Variants in MRPS25 observed in about 807,000 individuals in gnomAD.
The protein encoded by MRPS25 is mitochondrial ribosomal protein S25, also known as small ribosomal subunit protein mS25.
Under a neutral mutation model 17.3 loss-of-function variants are expected in MRPS25, and 15 were observed. The ratio of observed to expected loss-of-function variants is 0.87; its 90% CI spans 0.58 to 1.34. The LOEUF is 1.34. Ranked by LOEUF, MRPS25 falls within the 40% of genes most tolerant of loss-of-function variation. The pLI is 0.00. For synonymous variants in MRPS25, 94 were observed against 83.3 expected (o/e 1.13, Z -0.70); for missense variants, 225 against 218.6 (o/e 1.03, Z -0.19).
At chr3:15,056,087 T>C (rs111588570) in intron 2 of MRPS25, among the ~76,000 whole-genome samples, 50 of 148,392 alleles carry the variant, frequency 3.4e-4, no homozygotes, top group Admixed American at 2.7e-4. Flanking sequence ...GTGTGGCGGG[T>C]GCCTGTAGTC....
Position 15,049,331 on chromosome 3 carries a change from A to G in MRPS25, c.*3110T>C. On this transcript the variant is annotated 3_prime_UTR_variant, in exon 4 of 4. Coordinates refer to ENST00000253686, the MANE Select transcript of MRPS25 (RefSeq NM_022497.5). ...AGTAGTAATGCCTGGCCCCCAAACA[A>G]TGCAGCGCTCTCTTGTGTTATGGAC... 1 of 153,048 alleles carries G rather than the reference A, an allele frequency of 6.5e-6. No individual in the cohort carries two copies. Among genetic ancestry groups the G allele is most frequent in the Non-Finnish European group, 1.5e-5 (1 of 68,458 alleles). 9.5% of individuals were successfully genotyped at this position (153,048 alleles called of 1,614,324 possible).
At chr3:15,055,099 G>A (rs1397017974) in intron 2 of MRPS25, among the ~76,000 whole-genome samples, 1 of 152,130 alleles carries the variant, frequency 6.6e-6, no homozygotes, top group East Asian at 1.9e-4. Flanking sequence ...AAGAGAAGGG[G>A]GAGGTGCCAC....
chr3:15,053,148 G>C, intron 3 of MRPS25: 1 of 932,144 alleles, frequency 1.1e-6, no homozygotes, highest in Admixed American at 3.0e-5. Flanking sequence ...GCAAGAGGGA[G>C]AGAGGTACTT....
chr3:15,052,526 T>TGCC lies in MRPS25; in HGVS notation c.434_436dup (p.Gly145_Gln146insArg). Reference sequence around the variant, plus strand: ...TGGCACCAGGCTGGGGCAGGGCACCTGCCCTTCCACTTCACAGATGCACTC... The same window carrying TGCC: ...TGGCACCAGGCTGGGGCAGGGCACCTGCCGCCCTTCCACTTCACAGATGCACTC... On this transcript the variant is annotated inframe_insertion, in exon 4 of 4. Transcript: ENST00000253686. The TGCC allele has an allele frequency of 6.2e-7, 1 of 1,614,176 alleles. No homozygotes were observed. The highest frequency in any genetic ancestry group is 8.5e-7 in the Non-Finnish European group (1 of 1,180,030).
At chr3:15,059,969 G>GA (rs1266398356) in intron 1 of MRPS25, among the ~76,000 whole-genome samples, 23 of 123,666 alleles carry the variant, frequency 1.9e-4, no homozygotes, top group East Asian at 1.4e-3. Context: ...TACTCCAGAG[G>GA]AAAAAAAAAG....
Position 15,052,172 on chromosome 3 carries a change from G to A in MRPS25, c.*269C>T. 2 of 1,180,330 alleles carry A rather than the reference G, an allele frequency of 1.7e-6. No homozygotes were observed. The highest frequency in any genetic ancestry group is 1.6e-5 in the African/African-American group (1 of 64,104). The allele number at this position is 1,180,330 out of a possible 1,614,324, so 73.1% of individuals were successfully genotyped here. A position where few individuals can be genotyped will look rare whatever the true frequency, so the allele number is the denominator to read the frequency against. ...GGCCCAAAGCCTTTCTGCTACACAG[G>A]CCTTCCTCTTCACTAGGACCAGATA... On this transcript the variant is annotated 3_prime_UTR_variant, in exon 4 of 4. Coordinates refer to ENST00000253686, the MANE Select transcript of MRPS25 (RefSeq NM_022497.5).
chr3:15,064,651 C>T (rs368280049), intron 1 of MRPS25, among the ~76,000 whole-genome samples: 352 of 152,324 alleles, frequency 2.3e-3, no homozygotes, highest in African/African-American at 8.0e-3. Flanking sequence ...CAGTGTTCGC[C>T]GCTGTTATTT....
downstream of MRPS25, chr3:15,046,699 CTT>C (rs2042464655): frequency 2.0e-5 from 3 of 152,504 alleles, no homozygotes; most frequent in East Asian, 5.8e-4. Context: ...CATTTTAACT[CTT>C]TTCTTAGTCC....
At chr3:15,062,763 C>G (rs958908384) in intron 1 of MRPS25, among the ~76,000 whole-genome samples, 25 of 152,228 alleles carry the variant, frequency 1.6e-4, no homozygotes, top group African/African-American at 5.3e-4. Flanking sequence ...TGATCTGTGA[C>G]CTTACCCCCA....
At position 15,058,039 on chromosome 3, in the gene MRPS25, A is replaced by G. The variant is rs2042696666; in HGVS notation, c.241+1330T>C. ...TGGGACCACAGGCATATGCCACCAC[A>G]CTGGCTAAATGTTTTTTGTAGAGAT... On this transcript the variant is annotated intron_variant, in intron 2 of 3. Coordinates refer to ENST00000253686, the MANE Select transcript of MRPS25 (RefSeq NM_022497.5). Among the ~76,000 whole-genome samples the G allele has an allele frequency of 2.7e-5, 4 of 149,426 alleles. No homozygotes were observed. The South Asian group carries it at 8.5e-4, about 32-fold the overall frequency.
rs62240397 is a variant in MRPS25 at position 15,050,566 on chromosome 3, A to G, written c.*1875T>C. 89,607 of 985,444 alleles carry G rather than the reference A, an allele frequency of 0.091. 4,224 individuals are homozygous for G. Among genetic ancestry groups the G allele is most frequent in the Middle Eastern group, 0.098 (188 of 1,916 alleles). 61.0% of individuals were successfully genotyped at this position (985,444 alleles called of 1,614,324 possible). ...CAAGTAGAACGCCCAGGCAGGTGGT[A>G]TCAAGGTCAAGACTTCAGTCAGTTG... On this transcript the variant is annotated 3_prime_UTR_variant, in exon 4 of 4. Transcript: ENST00000253686.
rs2042594204 is a variant in MRPS25 at position 15,050,875 on chromosome 3, C to G, written c.*1566G>C. On this transcript the variant is annotated 3_prime_UTR_variant, in exon 4 of 4. Coordinates refer to ENST00000253686, the MANE Select transcript of MRPS25 (RefSeq NM_022497.5). ...AATCTGCTCAATTTAATGTGATAAT[C>G]TCCAACAGTTAATGAAACACATCGT... 6.1e-6 allele frequency: 6 copies of G among 985,272 alleles called. No homozygotes were observed. The highest frequency in any genetic ancestry group is 7.2e-6 in the Non-Finnish European group (6 of 829,900). 61.0% of individuals were successfully genotyped at this position (985,272 alleles called of 1,614,324 possible). A position where few individuals can be genotyped will look rare whatever the true frequency, so the allele number is the denominator to read the frequency against.
chr3:15,063,315 G>C (rs1251735734), intron 1 of MRPS25, among the ~76,000 whole-genome samples: 1 of 152,212 alleles, frequency 6.6e-6, no homozygotes, highest in Non-Finnish European at 1.5e-5. Flanking sequence ...TGGCAGAGGT[G>C]AGTAAGGACT....
intron 2 of MRPS25, among the ~76,000 whole-genome samples, 188 bp downstream of exon 2, chr3:15,059,181 G>C (rs1218094621): frequency 6.6e-6 from 1 of 152,140 alleles, no homozygotes; most frequent in Non-Finnish European, 1.5e-5. Context: ...GGTGAGGCTG[G>C]AGAGGGAAAG....
chr3:15,064,253 T>C (rs769918449), intron 1 of MRPS25, among the ~76,000 whole-genome samples: 1 of 152,118 alleles, frequency 6.6e-6, no homozygotes, highest in African/African-American at 2.4e-5. Flanking sequence ...AAATGTAGAC[T>C]TCATACCTGC....
At chr3:15,045,703 C>G (rs1272071334), downstream of MRPS25, 1 of 152,668 alleles carries the variant, frequency 6.6e-6, no homozygotes, top group Admixed American at 6.5e-5. Context: ...TAAAGAGATG[C>G]AAACCAAATA....
At chr3:15,042,754 C>A, downstream of MRPS25, 1 of 1,330,988 alleles carries the variant, frequency 7.5e-7, no homozygotes. Flanking sequence ...GCAATACAGA[C>A]GGGACCCCAG....
intron 1 of MRPS25, among the ~76,000 whole-genome samples, chr3:15,064,637 T>C (rs188817476): frequency 3.0e-4 from 45 of 152,346 alleles, no homozygotes; most frequent in African/African-American, 1.1e-3. Flanking sequence ...GTGCGAGATA[T>C]GATCAGTGTT....
At chr3:15,053,081 A>AT (rs915682361) in intron 3 of MRPS25, among the ~76,000 whole-genome samples, 10 of 152,092 alleles carry the variant, frequency 6.6e-5, no homozygotes, top group Non-Finnish European at 1.5e-4. Flanking sequence ...CCCAGGAGAG[A>AT]TGGGTTAGCA....
Sources: allele counts gnomAD v4.1 joint callset (sites outside exome capture counted in the v4.1 genomes callset), GRCh38; gene constraint gnomAD v4.1.1; transcripts MANE v1.5; gene names NCBI Gene and HGNC (gene_info 2026-07-23, HGNC 2026-07-21).